The following KRT77 variants were observed in gnomAD, a reference collection of about 807,000 sequenced individuals.
KRT77 encodes the protein keratin 77.
KRT77 carries 44 observed loss-of-function variants against 51.5 expected under a neutral mutation model. The ratio of observed to expected loss-of-function variants is 0.85; its 90% CI spans 0.67 to 1.10. The LOEUF (loss-of-function observed/expected upper bound fraction) is 1.10. Ranked by LOEUF, KRT77 falls within the 50% of genes least tolerant of loss-of-function variation. The pLI, the probability that KRT77 is intolerant of heterozygous loss-of-function variation, is 0.00. For synonymous variants in KRT77, 293 were observed against 302.0 expected (o/e 0.97, Z 0.31); for missense variants, 763 against 743.9 (o/e 1.03, Z -0.30).
Position 52,695,832 on chromosome 12 carries a change from C to A in KRT77, c.855G>T (p.Leu285=), listed in dbSNP as rs1941788086. ...VDAAYVSKVD[L]ESRVDTLTGE... ...CAGTCAGAGTGTCCACCCTGGACTC[C>A]AGGTCCACTTTGCTCACATAAGCAG... is the stretch of plus-strand genomic sequence containing the variant. Residue 285 remains leucine (L), a synonymous_variant, in exon 4 of 9, where the codon CTG becomes CTT. Transcript: ENST00000341809. 1 of 1,613,806 alleles carries A rather than the reference C, an allele frequency of 6.2e-7. No individual in the cohort carries two copies. Among genetic ancestry groups the A allele is most frequent in the African/African-American group, 1.3e-5 (1 of 74,928 alleles).
intron 1 of KRT77, chr12:52,698,327 G>T: frequency 2.1e-6 from 1 of 477,600 alleles, no homozygotes; most frequent in Non-Finnish European, 4.0e-6. Context: ...GGATCAATTT[G>T]GCTTAGAACA....
chr12:52,702,358 T>C (rs1941895573), intron 1 of KRT77, among the ~76,000 whole-genome samples: 1 of 151,470 alleles, frequency 6.6e-6, no homozygotes, highest in South Asian at 2.1e-4. Context: ...GATGCATGAG[T>C]GGATAGTTGA....
rs749033968 is a variant in KRT77, at chr12:52,695,858, C to T, written c.829G>A (p.Ala277Thr). The T allele has an allele frequency of 1.2e-6, 2 of 1,608,140 alleles. No homozygotes were observed. Among genetic ancestry groups the T allele is most frequent in the Non-Finnish European group, 8.5e-7 (1 of 1,174,536 alleles). ...AGGTCCACTTTGCTCACATAAGCAG[C>T]ATCCACATCCTGAATAGCAGGCAGA... ...DFVVLKKDVD[A>T]AYVSKVDLES... Residue 277 changes from alanine (A) to threonine (T), a missense_variant, in exon 4 of 9, where the codon GCT (alanine) becomes ACT (threonine). Coordinates refer to ENST00000341809, the MANE Select transcript of KRT77 (RefSeq NM_175078.3).
intron 1 of KRT77, chr12:52,698,161 T>C (rs1474892240): frequency 7.3e-7 from 1 of 1,374,480 alleles, no homozygotes; most frequent in African/African-American, 1.4e-5. Context: ...TTCATTTACA[T>C]CATAGAGCAC....
Position 52,691,424 on chromosome 12 carries a change from T to TG in KRT77, c.1477dup (p.Gln493ProfsTer160). The TG allele has an allele frequency of 6.3e-7, 1 of 1,593,256 alleles. No homozygotes were observed. The highest frequency in any genetic ancestry group is 1.7e-5 in the Admixed American group (1 of 59,262). On this transcript the variant is annotated frameshift_variant, in exon 9 of 9. Transcript: ENST00000341809. LOFTEE classifies it low-confidence loss of function (END_TRUNC). ...TCCCGCGCCGCCGTTGACGCTCACCTGGCTGTTCTGCACGGCTGTGGGTAG... is the reference window on the plus strand; with the variant it reads ...TCCCGCGCCGCCGTTGACGCTCACCTGGGCTGTTCTGCACGGCTGTGGGTAG...
In KRT77 at chr12:52,702,876, C is replaced by T; in HGVS notation, c.543+16G>A. 10 of 1,613,232 alleles carry T rather than the reference C, an allele frequency of 6.2e-6. No individual in the cohort carries two copies. The highest frequency in any genetic ancestry group is 8.5e-6 in the Non-Finnish European group (10 of 1,179,524). ...GGTCAGTGACCAATGACCCTCCCTGCCCCTGAGGTGCTCACCTTGTCAATG... is the reference window on the plus strand; with the variant it reads ...GGTCAGTGACCAATGACCCTCCCTGTCCCTGAGGTGCTCACCTTGTCAATG... On this transcript the variant is annotated intron_variant, in intron 1 of 8. Coordinates refer to ENST00000341809, the MANE Select transcript of KRT77 (RefSeq NM_175078.3).
intron 1 of KRT77, among the ~76,000 whole-genome samples, chr12:52,700,059 C>A (rs1476822160): frequency 6.6e-6 from 1 of 152,216 alleles, no homozygotes; most frequent in Non-Finnish European, 1.5e-5. Context: ...AGCTGAAACC[C>A]TCCTTTCCTT....
chr12:52,698,150 C>T (rs549053075), intron 1 of KRT77: 1 of 1,396,034 alleles, frequency 7.2e-7, no homozygotes, highest in Non-Finnish European at 9.5e-7. Context: ...AAATCACCTC[C>T]TTCATTTACA....
chr12:52,700,177 G>A (rs758558680), intron 1 of KRT77, among the ~76,000 whole-genome samples: 3 of 152,116 alleles, frequency 2.0e-5, no homozygotes, highest in Non-Finnish European at 2.9e-5. Flanking sequence ...TTTGTCATCC[G>A]GTTTCTATTT....
chr12:52,702,796 C>T, intron 1 of KRT77, 96 bp downstream of exon 1: 2 of 1,303,800 alleles, frequency 1.5e-6, no homozygotes, highest in Non-Finnish European at 2.1e-6. Flanking sequence ...CCAGGTCAAG[C>T]TGAAACAGCA....
At chr12:52,693,969 G>C (rs534048335) in intron 5 of KRT77, among the ~76,000 whole-genome samples, 1 of 151,744 alleles carries the variant, frequency 6.6e-6, no homozygotes, top group South Asian at 2.1e-4. Flanking sequence ...CCCAGGAGGC[G>C]GAGTTTGTAG....
At chr12:52,695,657 G>A in intron 4 of KRT77, 115 bp downstream of exon 4, 2 of 631,984 alleles carry the variant, frequency 3.2e-6, no homozygotes, top group East Asian at 5.9e-5. Context: ...GGGTACCTGG[G>A]GAGATGAGTC....
At chr12:52,695,079 G>T in intron 4 of KRT77, 1 of 223,966 alleles carries the variant, frequency 4.5e-6, no homozygotes, top group East Asian at 1.0e-4. Flanking sequence ...ATAGTGAGCT[G>T]GGCTCCTTGG....
chr12:52,698,799 C>A (rs200470229), intron 1 of KRT77, among the ~76,000 whole-genome samples: 1 of 152,250 alleles, frequency 6.6e-6, no homozygotes, highest in East Asian at 1.9e-4. Flanking sequence ...AGACTTTGCT[C>A]GGCCGCATGC....
chr12:52,695,672 G>A, intron 4 of KRT77, 100 bp downstream of exon 4: 1 of 641,616 alleles, frequency 1.6e-6, no homozygotes, highest in African/African-American at 3.5e-5. Context: ...TGAGTCCCTA[G>A]TGGGACCCTA....
chr12:52,695,621 T>C (rs10783530), intron 4 of KRT77, 151 bp downstream of exon 4: 251,157 of 609,790 alleles, frequency 0.41, 53,009 homozygotes, highest in African/African-American at 0.43. Flanking sequence ...GTGGAGAGGA[T>C]GGCTGACTCC....
chr12:52,691,534 T>C lies in KRT77; in HGVS notation c.1463-95A>G, dbSNP rs938109255. 8 of 1,399,306 alleles carry C rather than the reference T, an allele frequency of 5.7e-6. No individual in the cohort carries two copies. In the African/African-American group the frequency reaches 7.2e-5, roughly 13 times the overall value. The allele number at this position is 1,399,306 out of a possible 1,614,324, so 86.7% of individuals were successfully genotyped here. A position where few individuals can be genotyped will look rare whatever the true frequency, so the allele number is the denominator to read the frequency against. On this transcript the variant is annotated intron_variant, in intron 8 of 8. Transcript: ENST00000341809. ...CACCTGCAGCCTCCTCCATCCTCGA[T>C]CACCCGTGGCATCGACTTGCAAACC...
rs749789253 is a variant in KRT77 at position 52,702,864 on chromosome 12, T to C, written c.543+28A>G. The stretch of plus-strand genomic sequence containing the variant: ...TCTCAGTCATTTGGTCAGTGACCAA[T>C]GACCCTCCCTGCCCCTGAGGTGCTC... On this transcript the variant is annotated intron_variant, in intron 1 of 8. Coordinates refer to ENST00000341809, the MANE Select transcript of KRT77 (RefSeq NM_175078.3). The C allele has an allele frequency of 5.6e-6, 9 of 1,611,346 alleles. No homozygotes were observed. In the Admixed American group the frequency reaches 1.3e-4, roughly 24 times the overall value.
rs374668740 is a variant in KRT77, at chr12:52,697,919, C to T, written c.544-23G>A. On this transcript the variant is annotated intron_variant, in intron 1 of 8. Coordinates refer to ENST00000341809, the MANE Select transcript of KRT77 (RefSeq NM_175078.3). ...CACCTAAGAGCAAGAGACCCCAGTC[C>T]ACCCCAGGCCATGGATCAGAGCAGC... 8 of 1,605,332 alleles carry T rather than the reference C, an allele frequency of 5.0e-6. No homozygotes were observed. In the South Asian group the frequency reaches 6.6e-5, roughly 13 times the overall value.
Sources: allele counts gnomAD v4.1 joint callset (sites outside exome capture counted in the v4.1 genomes callset), GRCh38; gene constraint gnomAD v4.1.1; transcripts MANE v1.5; gene names NCBI Gene and HGNC (gene_info 2026-07-23, HGNC 2026-07-21).